IL1RAPL1: variants seen among roughly 807,000 people sequenced by gnomAD.
IL1RAPL1 encodes the protein interleukin-1 receptor accessory protein-like 1.
A neutral mutation model predicts 48.4 loss-of-function variants in IL1RAPL1; 3 were observed. That is an observed-to-expected ratio of 0.06 (90% CI 0.03 to 0.16). The LOEUF (loss-of-function observed/expected upper bound fraction) is 0.16. Among genes scored for constraint, IL1RAPL1 ranks in the 10% least tolerant of loss-of-function variants. The pLI is 1.00. For synonymous variants in IL1RAPL1, 185 were observed against 187.7 expected, an observed-to-expected ratio of 0.99 and a Z score of 0.12; for missense variants, 349 against 530.6, an observed-to-expected ratio of 0.66 and a Z score of 3.36.
intron 2 of IL1RAPL1, among the ~76,000 whole-genome samples, chrX:29,020,648 A>G (rs1343193171): frequency 1.8e-5 from 2 of 111,959 alleles, no homozygotes; most frequent in Non-Finnish European, 3.8e-5. Flanking sequence ...TAGTACAGGG[A>G]TGACTAGGAA....
chrX:28,869,587 T>C (rs1331351697), intron 2 of IL1RAPL1, among the ~76,000 whole-genome samples: 5 of 111,563 alleles, frequency 4.5e-5, no homozygotes, highest in African/African-American at 1.6e-4. Flanking sequence ...AAAATTTAGG[T>C]TATATTTTAT....
At chrX:29,604,705 G>T (rs760819121) in intron 5 of IL1RAPL1, among the ~76,000 whole-genome samples, 9 of 111,670 alleles carry the variant, frequency 8.1e-5, no homozygotes, top group African/African-American at 2.9e-4. Flanking sequence ...AGTCATTTTT[G>T]AATATTCCAG....
At chrX:28,651,790 G>A (rs753456249) in intron 1 of IL1RAPL1, among the ~76,000 whole-genome samples, 3 of 111,319 alleles carry the variant, frequency 2.7e-5, no homozygotes, top group Admixed American at 9.6e-5. Flanking sequence ...TTTTAACGGG[G>A]CAGCATAAAA....
chrX:29,345,789 GAT>G (rs991452101), intron 3 of IL1RAPL1, among the ~76,000 whole-genome samples: 10 of 109,861 alleles, frequency 9.1e-5, no homozygotes, highest in South Asian at 3.8e-4. Context: ...GATAGAAATT[GAT>G]ATATATATAT....
At chrX:29,504,120 T>C (rs1448759671) in intron 5 of IL1RAPL1, among the ~76,000 whole-genome samples, 2 of 110,407 alleles carry the variant, frequency 1.8e-5, no homozygotes, top group South Asian at 3.9e-4. Flanking sequence ...CGAGCCTGAA[T>C]TTTTACGTGC....
At chrX:28,742,876 C>A (rs774095456) in intron 1 of IL1RAPL1, among the ~76,000 whole-genome samples, 4 of 111,549 alleles carry the variant, frequency 3.6e-5, no homozygotes, top group South Asian at 7.5e-4. Context: ...TTTAGTATTT[C>A]TTCAGTCATT....
At chrX:29,055,251 G>T (rs1927186368) in intron 2 of IL1RAPL1, among the ~76,000 whole-genome samples, 1 of 110,304 alleles carries the variant, frequency 9.1e-6, no homozygotes, top group African/African-American at 3.3e-5. Context: ...TTTTTTTCCA[G>T]CTATTTTACT....
chrX:29,889,449 A>G (rs756170424), intron 6 of IL1RAPL1, among the ~76,000 whole-genome samples: 13 of 111,835 alleles, frequency 1.2e-4, no homozygotes, highest in African/African-American at 3.6e-4. Context: ...TATGTACTCA[A>G]AGGGGTTTGG....
chrX:29,422,271 A>G lies in IL1RAPL1; in HGVS notation c.703+22963A>G, dbSNP rs188228636. Among the ~76,000 whole-genome samples the G allele has an allele frequency of 4.6e-3, 511 of 111,780 alleles. 4 individuals are homozygous for G. Among genetic ancestry groups the G allele is most frequent in the African/African-American group, 0.016 (495 of 30,801 alleles). On this transcript the variant is annotated intron_variant, in intron 5 of 10. Coordinates refer to ENST00000378993, the MANE Select transcript of IL1RAPL1 (RefSeq NM_014271.4). Reference sequence around the variant, plus strand: ...CCTTTTTGGTGAGTTTGGACTTTAGACATATAAAAGAACTTCAAAGAACAG... The same window carrying G: ...CCTTTTTGGTGAGTTTGGACTTTAGGCATATAAAAGAACTTCAAAGAACAG...
chrX:29,319,160 G>GTCTGCCTGTCTATCTA (rs370282992), intron 3 of IL1RAPL1, among the ~76,000 whole-genome samples: 1 of 84,988 alleles, frequency 1.2e-5, no homozygotes, highest in Admixed American at 1.5e-4. Flanking sequence ...CTATCTGTCT[G>GTCTGCCTGTCTATCTA]TCTATCTATC....
chrX:28,589,673 A>T (rs1454967072), intron 1 of IL1RAPL1, among the ~76,000 whole-genome samples: 2 of 111,564 alleles, frequency 1.8e-5, no homozygotes, highest in Non-Finnish European at 3.8e-5. Context: ...CTGTGAACGG[A>T]ATGAATATTT....
chrX:29,188,089 A>G (rs1351650973), intron 2 of IL1RAPL1, among the ~76,000 whole-genome samples: 1 of 111,719 alleles, frequency 9.0e-6, no homozygotes, highest in African/African-American at 3.3e-5. Flanking sequence ...CTAAACTAGA[A>G]TAGCTTGCTT....
intron 6 of IL1RAPL1, among the ~76,000 whole-genome samples, chrX:29,692,049 T>A (rs772853454): frequency 6.2e-5 from 7 of 112,274 alleles, no homozygotes; most frequent in Non-Finnish European, 1.3e-4. Context: ...CTCATTACAG[T>A]TGTATGTGTA....
At chrX:29,742,415 C>A (rs746646509) in intron 6 of IL1RAPL1, among the ~76,000 whole-genome samples, 1 of 110,109 alleles carries the variant, frequency 9.1e-6, no homozygotes, top group East Asian at 2.8e-4. Context: ...CATGGCCAAA[C>A]CATGATGTAA....
At chrX:28,720,098 T>A (rs1191974558) in intron 1 of IL1RAPL1, among the ~76,000 whole-genome samples, 1 of 111,477 alleles carries the variant, frequency 9.0e-6, no homozygotes, top group African/African-American at 3.3e-5. Flanking sequence ...TTGAAATATA[T>A]TCATTTGTAA....
chrX:28,950,063 A>G (rs1324396218), intron 2 of IL1RAPL1, among the ~76,000 whole-genome samples: 1 of 106,492 alleles, frequency 9.4e-6, no homozygotes, highest in Non-Finnish European at 1.9e-5. Flanking sequence ...TAGGGTTTTT[A>G]TGGTTTTAGG....
intron 1 of IL1RAPL1, among the ~76,000 whole-genome samples, chrX:28,619,965 G>A (rs1426963898): frequency 1.8e-5 from 2 of 111,149 alleles, no homozygotes; most frequent in Non-Finnish European, 3.8e-5. Context: ...TCTAAGGGGG[G>A]CATAAAGAAG....
chrX:29,805,041 TG>T (rs1445256521), intron 6 of IL1RAPL1, among the ~76,000 whole-genome samples: 2 of 112,666 alleles, frequency 1.8e-5, no homozygotes, highest in African/African-American at 3.2e-5. Flanking sequence ...TTAGGAAGAA[TG>T]ACACTGACAA....
intron 6 of IL1RAPL1, among the ~76,000 whole-genome samples, chrX:29,725,168 C>T (rs1224376018): frequency 9.0e-6 from 1 of 110,858 alleles, no homozygotes; most frequent in Non-Finnish European, 1.9e-5. Flanking sequence ...CTTCATGAGT[C>T]CTCATCCATA....
Sources: allele counts gnomAD v4.1 joint callset (sites outside exome capture counted in the v4.1 genomes callset), GRCh38; gene constraint gnomAD v4.1.1; transcripts MANE v1.5; gene names NCBI Gene and HGNC (gene_info 2026-07-23, HGNC 2026-07-21).